The following SAMD4A variants were observed in gnomAD, a reference collection of about 807,000 sequenced individuals.
SAMD4A encodes the protein protein Smaug homolog 1.
Under a neutral mutation model 81.3 loss-of-function variants are expected in SAMD4A, and 33 were observed. The observed-to-expected ratio is 0.41, with a 90% CI of 0.31 to 0.54. The LOEUF is 0.54. SAMD4A is among the 20% of genes least tolerant of loss of function. The pLI, the probability that SAMD4A is intolerant of heterozygous loss-of-function variation, is 0.37. For synonymous variants in SAMD4A, 389 were observed against 382.1 expected (o/e 1.02, Z -0.21); for missense variants, 854 against 951.1 (o/e 0.90, Z 1.34).
chr14:54,718,459 G>C (rs906406675), intron 3 of SAMD4A, among the ~76,000 whole-genome samples: 1 of 152,198 alleles, frequency 6.6e-6, no homozygotes, highest in African/African-American at 2.4e-5. Context: ...ACACTCAAGA[G>C]CTGTACTCTC....
chr14:54,565,400 G>T (rs2032900514), upstream of SAMD4A, among the ~76,000 whole-genome samples: 1 of 152,254 alleles, frequency 6.6e-6, no homozygotes, highest in Non-Finnish European at 1.5e-5. This position sits in a 1 kb window ranked among gnomAD's most constrained non-coding sequence, Gnocchi z 5.4. Flanking sequence ...GTGGGACTCA[G>T]CCAGGCGCCG....
At chr14:54,692,390 ACTGT>A (rs2036463354) in intron 2 of SAMD4A, among the ~76,000 whole-genome samples, 1 of 152,184 alleles carries the variant, frequency 6.6e-6, no homozygotes, top group African/African-American at 2.4e-5. Flanking sequence ...TCCTCTGTTG[ACTGT>A]CTGGACATTG....
At chr14:54,744,313 G>T (rs2037914815) in intron 4 of SAMD4A, among the ~76,000 whole-genome samples, 1 of 152,132 alleles carries the variant, frequency 6.6e-6, no homozygotes, top group East Asian at 1.9e-4. Context: ...ACTCAAATTT[G>T]CAGCCATTTC....
intron 3 of SAMD4A, among the ~76,000 whole-genome samples, chr14:54,704,516 A>T (rs2036804202): frequency 6.6e-6 from 1 of 152,238 alleles, no homozygotes; most frequent in Non-Finnish European, 1.5e-5. Flanking sequence ...ATCAGGTTGT[A>T]GTCATCAAGC....
At chr14:54,666,507 A>G (rs1273381895) in intron 2 of SAMD4A, among the ~76,000 whole-genome samples, 1 of 152,066 alleles carries the variant, frequency 6.6e-6, no homozygotes, top group Non-Finnish European at 1.5e-5. Context: ...GGTATTTTCA[A>G]TCTGTGTTTG....
rs147417559 is a variant in SAMD4A at position 54,568,954 on chromosome 14, G to A, written c.196+842G>A. Among the ~76,000 whole-genome samples, 71 of 151,982 alleles carry A rather than the reference G, an allele frequency of 4.7e-4. No homozygotes were observed. The East Asian group carries it at 0.013, about 29-fold the overall frequency. On this transcript the variant is annotated intron_variant, in intron 2 of 12. Transcript: ENST00000554335. ...AAAGTGAATATAGTCGAAAGGTCCA[G>A]CAGTTTCCTATTTGCTAGCGTGGGT...
At position 54,721,514 on chromosome 14, in the gene SAMD4A, C is replaced by G. The variant is rs907521053; in HGVS notation, c.716-15510C>G. Among the ~76,000 whole-genome samples the G allele has an allele frequency of 1.1e-4, 17 of 152,194 alleles. 1 individual carries two copies. The highest frequency in any genetic ancestry group is 9.2e-4 in the Admixed American group (14 of 15,274). ...TTTTACCTCTCAAGAGCTTCCTCTT[C>G]AAGCTCTTACTTTTCTTGATAGTAA... On this transcript the variant is annotated intron_variant, in intron 3 of 12. Coordinates refer to ENST00000554335, the MANE Select transcript of SAMD4A (RefSeq NM_015589.6).
At chr14:54,707,102 C>CTTTTT (rs11412662) in intron 3 of SAMD4A, among the ~76,000 whole-genome samples, 1 of 130,442 alleles carries the variant, frequency 7.7e-6, no homozygotes, top group Non-Finnish European at 1.6e-5. Context: ...TATGGACATA[C>CTTTTT]TTTTTTTTTT....
At chr14:54,695,953 G>GA (rs35817270) in intron 2 of SAMD4A, among the ~76,000 whole-genome samples, 1,849 of 78,194 alleles carry the variant, frequency 0.024, 39 homozygotes, top group African/African-American at 0.067. Context: ...CTCCATCTCA[G>GA]AAAAAAAAAA....
intron 3 of SAMD4A, among the ~76,000 whole-genome samples, chr14:54,723,814 C>T (rs1330102899): frequency 6.6e-6 from 1 of 152,178 alleles, no homozygotes; most frequent in Non-Finnish European, 1.5e-5. Context: ...CAGAGAGATG[C>T]TCACTGTTCA....
chr14:54,674,991 G>A (rs1271108905), intron 2 of SAMD4A, among the ~76,000 whole-genome samples: 1 of 152,096 alleles, frequency 6.6e-6, no homozygotes, highest in East Asian at 1.9e-4. Flanking sequence ...AGGTTCAAAC[G>A]ATCGTCCCAC....
chr14:54,675,263 G>A (rs2035966157), intron 2 of SAMD4A, among the ~76,000 whole-genome samples: 1 of 151,452 alleles, frequency 6.6e-6, no homozygotes, highest in African/African-American at 2.4e-5. Flanking sequence ...TTACTCAGGA[G>A]GCTGAGGCAG....
chr14:54,784,188 A>C, intron 11 of SAMD4A: 1 of 636,596 alleles, frequency 1.6e-6, no homozygotes, highest in Admixed American at 2.4e-5. Context: ...GTATGAGGGT[A>C]CAGAGATAAC....
At chr14:54,586,564 T>C (rs530488076) in intron 2 of SAMD4A, among the ~76,000 whole-genome samples, 2 of 152,276 alleles carry the variant, frequency 1.3e-5, no homozygotes, top group East Asian at 1.9e-4. Flanking sequence ...GTTTCACGTC[T>C]TATATTTGTC....
At chr14:54,580,901 G>A (rs1007408867) in intron 2 of SAMD4A, among the ~76,000 whole-genome samples, 1 of 152,200 alleles carries the variant, frequency 6.6e-6, no homozygotes, top group African/African-American at 2.4e-5. Flanking sequence ...TAATCCACAA[G>A]GGGTTTACCA....
intron 2 of SAMD4A, among the ~76,000 whole-genome samples, chr14:54,686,397 G>A (rs1432628096): frequency 2.0e-5 from 3 of 152,110 alleles, no homozygotes; most frequent in South Asian, 2.1e-4. Context: ...TTTTTATGTC[G>A]CAGCCAGGGG....
At chr14:54,700,532 T>A (rs2036688579) in intron 2 of SAMD4A, among the ~76,000 whole-genome samples, 1 of 152,240 alleles carries the variant, frequency 6.6e-6, no homozygotes, top group Non-Finnish European at 1.5e-5. Flanking sequence ...TGCACCTAGC[T>A]GGAATTGCTA....
chr14:54,705,319 C>T (rs552452584), intron 3 of SAMD4A, among the ~76,000 whole-genome samples: 18 of 152,148 alleles, frequency 1.2e-4, no homozygotes, highest in South Asian at 4.1e-4. Flanking sequence ...CAGAGCCATG[C>T]GCAGTATTCT....
At chr14:54,602,885 C>T (rs1310882791) in intron 2 of SAMD4A, among the ~76,000 whole-genome samples, 3 of 152,188 alleles carry the variant, frequency 2.0e-5, no homozygotes, top group Non-Finnish European at 4.4e-5. Flanking sequence ...ACTTCAAGTG[C>T]ACACTGGGGA....
Sources: gnomAD v4.1 joint callset for allele counts (sites outside exome capture counted in the v4.1 genomes callset) on GRCh38, gnomAD v4.1.1 for gene constraint, Gnocchi (gnomAD v3.1) non-coding constraint, MANE v1.5 for transcripts, NCBI Gene and HGNC (gene_info 2026-07-23, HGNC 2026-07-21) for gene names.